SP140L: variants seen among roughly 807,000 people sequenced by gnomAD.
The protein encoded by SP140L is SP140 like nuclear body protein.
SP140L carries 64 observed loss-of-function variants against 84.3 expected under a neutral mutation model. The ratio of observed to expected loss-of-function variants is 0.76; its 90% CI spans 0.62 to 0.94. The LOEUF is 0.94. Among genes scored for constraint, SP140L ranks in the 40% least tolerant of loss-of-function variants. SP140L has a pLI of 0.00. For synonymous variants in SP140L, 242 were observed against 236.9 expected (o/e 1.02, Z -0.20); for missense variants, 628 against 692.5 (o/e 0.91, Z 1.05).
At chr2:230,381,663 C>CA (rs1285667263) in intron 7 of SP140L, among the ~76,000 whole-genome samples, 2 of 151,412 alleles carry the variant, frequency 1.3e-5, no homozygotes, top group African/African-American at 4.9e-5. Context: ...CAAAAACAAG[C>CA]AAAACAACCA....
intron 13 of SP140L, among the ~76,000 whole-genome samples, chr2:230,394,858 T>C (rs2061978617): frequency 6.6e-6 from 1 of 152,238 alleles, no homozygotes; most frequent in Non-Finnish European, 1.5e-5. Context: ...TGCCACATGA[T>C]AATGTCTCTG....
chr2:230,353,283 A>G (rs1391336508), intron 2 of SP140L, among the ~76,000 whole-genome samples: 2 of 152,038 alleles, frequency 1.3e-5, no homozygotes, highest in Admixed American at 6.6e-5. Flanking sequence ...CTTATGCAAT[A>G]TGTTTCATTT....
chr2:230,402,743 T>A, intron 18 of SP140L, 55 bp from the exon 19 acceptor site: 1 of 1,338,600 alleles, frequency 7.5e-7, no homozygotes, highest in Non-Finnish European at 1.1e-6. Flanking sequence ...TTGAAAGGTA[T>A]CTAATGACAC....
At chr2:230,333,395 T>G (rs2059779918) in intron 2 of SP140L, among the ~76,000 whole-genome samples, 1 of 152,136 alleles carries the variant, frequency 6.6e-6, no homozygotes, top group Non-Finnish European at 1.5e-5. Context: ...CTTGACCTCA[T>G]GATCCACTCG....
At chr2:230,370,841 T>A (rs2061040505) in intron 5 of SP140L, 67 bp from the exon 6 acceptor site, 1 of 1,502,250 alleles carries the variant, frequency 6.7e-7, no homozygotes, top group Admixed American at 1.8e-5. Context: ...AAATCACAAT[T>A]TTGCCCCGGG....
At chr2:230,377,872 G>A (rs1335148326) in intron 7 of SP140L, among the ~76,000 whole-genome samples, 1 of 151,824 alleles carries the variant, frequency 6.6e-6, no homozygotes, top group East Asian at 1.9e-4. Flanking sequence ...TATAATCTGT[G>A]ATTTTGAGGT....
chr2:230,358,264 A>G (rs991274073), intron 3 of SP140L, among the ~76,000 whole-genome samples: 1 of 152,266 alleles, frequency 6.6e-6, no homozygotes, highest in African/African-American at 2.4e-5. Context: ...TACTGAAATC[A>G]TAATTGACAG....
At chr2:230,356,480 A>ATT (rs1438338069) in intron 2 of SP140L, among the ~76,000 whole-genome samples, 2 of 152,190 alleles carry the variant, frequency 1.3e-5, no homozygotes, top group African/African-American at 4.8e-5. Flanking sequence ...CCAGACACAA[A>ATT]AGCATGTATA....
At chr2:230,332,451 T>C (rs1040374806) in intron 2 of SP140L, among the ~76,000 whole-genome samples, 1 of 152,220 alleles carries the variant, frequency 6.6e-6, no homozygotes, top group Non-Finnish European at 1.5e-5. Flanking sequence ...GTTCCAGACA[T>C]TAATCTGTTC....
At chr2:230,337,074 C>T (rs1473572955) in intron 2 of SP140L, among the ~76,000 whole-genome samples, 1 of 152,232 alleles carries the variant, frequency 6.6e-6, no homozygotes, top group East Asian at 1.9e-4. Flanking sequence ...GCCACACTGA[C>T]TTCCACAATG....
rs187640391 is a variant in SP140L, at chr2:230,327,299, C to G, written c.30C>G (p.Thr10=). 6.8e-6 allele frequency: 11 copies of G among 1,611,476 alleles called. No individual in the cohort carries two copies. The highest frequency in any genetic ancestry group is 4.0e-5 in the African/African-American group (3 of 74,972). Residue 10 remains threonine (T), a splice_region_variant and synonymous_variant, in exon 1 of 19, where the codon ACC becomes ACG. Coordinates refer to ENST00000415673, the MANE Select transcript of SP140L (RefSeq NM_138402.6). ...CAGGTGGGGGCAGCGACCTGAGCAC[C>G]AGGTGAGTCTTTATCTCTCTTCCTT... MAGGGSDLS[T]RGLNGGVSQV...
At chr2:230,359,260 C>A (rs11678791) in intron 4 of SP140L, 128 bp downstream of exon 4, 6 of 784,118 alleles carry the variant, frequency 7.7e-6, no homozygotes, top group Non-Finnish European at 1.2e-5. Flanking sequence ...ACAAAATAGA[C>A]GTGTCATGAG....
intron 5 of SP140L, among the ~76,000 whole-genome samples, chr2:230,367,972 C>T (rs1239630324): frequency 1.3e-5 from 2 of 152,124 alleles, no homozygotes; most frequent in African/African-American, 4.8e-5. Flanking sequence ...TAAGTTTTGT[C>T]TTTTAACTTT....
intron 13 of SP140L, among the ~76,000 whole-genome samples, chr2:230,395,551 G>C (rs138031682): frequency 6.6e-6 from 1 of 152,238 alleles, no homozygotes; most frequent in East Asian, 1.9e-4. Context: ...TGGCATTCTA[G>C]CCTGGGTGAC....
intron 5 of SP140L, among the ~76,000 whole-genome samples, chr2:230,369,721 A>G (rs950398296): frequency 6.6e-6 from 1 of 152,278 alleles, no homozygotes; most frequent in East Asian, 1.9e-4. Context: ...TCAATGGCCA[A>G]TTAGGACAAG....
chr2:230,387,116 G>A (rs547069851), intron 9 of SP140L, among the ~76,000 whole-genome samples: 69 of 152,244 alleles, frequency 4.5e-4, no homozygotes, highest in African/African-American at 1.7e-3. Context: ...TCTATTGCCT[G>A]GAAACCTCAT....
At chr2:230,354,889 GAAAGA>G (rs1553617617) in intron 2 of SP140L, among the ~76,000 whole-genome samples, 1 of 127,236 alleles carries the variant, frequency 7.9e-6, no homozygotes, top group Admixed American at 7.9e-5. Context: ...AAGAAAGAAA[GAAAGA>G]AAGGAAAGAG....
At chr2:230,400,804 C>T in intron 15 of SP140L, 151 bp from the exon 16 acceptor site, 1 of 1,551,294 alleles carries the variant, frequency 6.4e-7, no homozygotes, top group East Asian at 2.3e-5. Flanking sequence ...CTGGAGACCC[C>T]ATGTGCAGTT....
At chr2:230,342,399 C>T (rs979365498) in intron 2 of SP140L, among the ~76,000 whole-genome samples, 1 of 152,218 alleles carries the variant, frequency 6.6e-6, no homozygotes, top group Non-Finnish European at 1.5e-5. Context: ...GTCTGGCACT[C>T]TCTAGTGAGA....
Sources: gnomAD v4.1 joint callset for allele counts (sites outside exome capture counted in the v4.1 genomes callset) on GRCh38, gnomAD v4.1.1 for gene constraint, MANE v1.5 for transcripts, NCBI Gene and HGNC (gene_info 2026-07-23, HGNC 2026-07-21) for gene names.